CAMK1D: variants seen among roughly 807,000 people sequenced by gnomAD.
CAMK1D encodes the protein calcium/calmodulin dependent protein kinase ID, also known as calcium/calmodulin-dependent protein kinase type 1D.
CAMK1D carries 9 observed loss-of-function variants against 47.7 expected under a neutral mutation model. That is an observed-to-expected ratio of 0.19 (90% CI 0.11 to 0.33). The LOEUF (loss-of-function observed/expected upper bound fraction) is 0.33. CAMK1D is among the 10% of genes least tolerant of loss of function. The pLI is 1.00. For synonymous variants in CAMK1D, 184 were observed against 184.9 expected (o/e 0.99, Z 0.04); for missense variants, 291 against 488.7 (o/e 0.60, Z 3.81).
chr10:12,732,537 G>A (rs10795978), intron 3 of CAMK1D, among the ~76,000 whole-genome samples: 104,294 of 151,866 alleles, frequency 0.69, 36,291 homozygotes, highest in Non-Finnish European at 0.74. Flanking sequence ...CACTTCTTAC[G>A]TGGTGGCCGC....
At chr10:12,768,564 T>G (rs1164207533) in intron 4 of CAMK1D, among the ~76,000 whole-genome samples, 2 of 152,118 alleles carry the variant, frequency 1.3e-5, no homozygotes, top group African/African-American at 4.8e-5. Flanking sequence ...AAACGATTCC[T>G]CATTCACTGG....
Position 12,719,450 on chromosome 10 carries a change from A to G in CAMK1D, c.300-41498A>G, listed in dbSNP as rs116587149. 5.5e-3 allele frequency among the ~76,000 whole-genome samples: 830 copies of G among 152,098 alleles called. 11 individuals are homozygous for G. Among genetic ancestry groups the G allele is most frequent in the African/African-American group, 0.019 (776 of 41,496 alleles). ...AAGAAAAAAGAAAACTGTAAAAAGA[A>G]TTTCCCTCATTTCATGAATGCACCA... On this transcript the variant is annotated intron_variant, in intron 3 of 10. Transcript: ENST00000619168.
intron 5 of CAMK1D, among the ~76,000 whole-genome samples, chr10:12,774,798 A>G (rs1837206902): frequency 6.6e-6 from 1 of 152,200 alleles, no homozygotes; most frequent in Non-Finnish European, 1.5e-5. Context: ...CCCGCAAGAG[A>G]TTTAGGTTGC....
intron 1 of CAMK1D, among the ~76,000 whole-genome samples, chr10:12,545,000 G>A (rs1836316474): frequency 6.6e-6 from 1 of 152,092 alleles, no homozygotes; most frequent in Non-Finnish European, 1.5e-5. Context: ...TCAGAGGAGA[G>A]CCCCCAATAA....
intron 2 of CAMK1D, among the ~76,000 whole-genome samples, chr10:12,633,092 C>T (rs1324201124): frequency 2.0e-5 from 3 of 152,216 alleles, no homozygotes; most frequent in Non-Finnish European, 4.4e-5. Flanking sequence ...TGCAGTGAGT[C>T]AGTCGTTCCT....
intron 2 of CAMK1D, among the ~76,000 whole-genome samples, chr10:12,557,679 T>C (rs952287812): frequency 3.9e-5 from 6 of 152,206 alleles, no homozygotes; most frequent in African/African-American, 1.4e-4. Flanking sequence ...CACACTATTT[T>C]TGCTTATTTC....
chr10:12,478,651 A>G (rs925525511), intron 1 of CAMK1D, among the ~76,000 whole-genome samples: 2 of 152,054 alleles, frequency 1.3e-5, no homozygotes, highest in Admixed American at 1.3e-4. Flanking sequence ...AAGGTACTTG[A>G]GGAGTCAGAG....
At chr10:12,767,652 A>G (rs7910587) in intron 4 of CAMK1D, among the ~76,000 whole-genome samples, 30,217 of 152,156 alleles carry the variant, frequency 0.2, 3,151 homozygotes, top group Middle Eastern at 0.28. Context: ...TTGGCTAGGT[A>G]TGAAAAGGCG....
chr10:12,689,074 C>T (rs776168936), intron 3 of CAMK1D, among the ~76,000 whole-genome samples: 4 of 152,214 alleles, frequency 2.6e-5, no homozygotes, highest in Non-Finnish European at 5.9e-5. Flanking sequence ...TGCTTAGCAG[C>T]GGGAGGATGG....
chr10:12,804,119 C>G (rs561749187), intron 6 of CAMK1D, among the ~76,000 whole-genome samples: 1 of 152,082 alleles, frequency 6.6e-6, no homozygotes, highest in African/African-American at 2.4e-5. Flanking sequence ...ATGCCATTGG[C>G]CATCAGAAGG....
At chr10:12,542,434 A>G (rs2132248056) in intron 1 of CAMK1D, among the ~76,000 whole-genome samples, 1 of 152,336 alleles carries the variant, frequency 6.6e-6, no homozygotes, top group Admixed American at 6.5e-5. Context: ...TAGCTACACT[A>G]AGCTAATAGG....
At chr10:12,707,652 A>T (rs1359936014) in intron 3 of CAMK1D, among the ~76,000 whole-genome samples, 1 of 152,194 alleles carries the variant, frequency 6.6e-6, no homozygotes, top group East Asian at 1.9e-4. Flanking sequence ...CAGAACTTAG[A>T]GGGCAGAGGC....
chr10:12,409,639 T>C (rs1482648000), intron 1 of CAMK1D, among the ~76,000 whole-genome samples: 3 of 152,266 alleles, frequency 2.0e-5, no homozygotes, highest in South Asian at 4.1e-4. Flanking sequence ...ATCATACAGT[T>C]CACTTCTTTA....
chr10:12,671,581 C>G (rs989214366), intron 3 of CAMK1D, among the ~76,000 whole-genome samples: 6 of 151,732 alleles, frequency 4.0e-5, no homozygotes, highest in Admixed American at 1.3e-4. Flanking sequence ...ATGTTAGCCA[C>G]TTACATATCT....
rs150482021 is a variant in CAMK1D at position 12,505,546 on chromosome 10, C to T, written c.93-47679C>T. Among the ~76,000 whole-genome samples, 683 of 152,248 alleles carry T rather than the reference C, an allele frequency of 4.5e-3. 3 individuals carry two copies. The highest frequency in any genetic ancestry group is 1.0e-2 in the South Asian group (48 of 4,816). Reference sequence around the variant, plus strand: ...TTCTTTCCTGGGCTGTTGGTCCATCCGGCTCCTTGCTTGGTCTACACAATG... The same window carrying T: ...TTCTTTCCTGGGCTGTTGGTCCATCTGGCTCCTTGCTTGGTCTACACAATG... On this transcript the variant is annotated intron_variant, in intron 1 of 10. Coordinates refer to ENST00000619168, the MANE Select transcript of CAMK1D (RefSeq NM_153498.4).
rs566418965 is a variant in CAMK1D, at chr10:12,562,554, G to A, written c.224+9198G>A. ...CAAACTCATTTGCAAACGAGCCCCC[G>A]ACTTTGTGATCTACCTCTTTGGTTT... is the stretch of plus-strand genomic sequence containing the variant. On this transcript the variant is annotated intron_variant, in intron 2 of 10. Transcript: ENST00000619168. 2.0e-5 allele frequency among the ~76,000 whole-genome samples: 3 copies of A among 152,160 alleles called. No individual in the cohort carries two copies. In the East Asian group the frequency reaches 5.8e-4, roughly 29 times the overall value.
At chr10:12,451,075 G>A (rs1248960658) in intron 1 of CAMK1D, among the ~76,000 whole-genome samples, 1 of 152,174 alleles carries the variant, frequency 6.6e-6, no homozygotes, top group Non-Finnish European at 1.5e-5. Flanking sequence ...TCCCACATGA[G>A]CTCTGAACCA....
At chr10:12,480,383 C>T (rs774893243) in intron 1 of CAMK1D, among the ~76,000 whole-genome samples, 21 of 151,880 alleles carry the variant, frequency 1.4e-4, no homozygotes, top group South Asian at 2.1e-4. Context: ...TGCAGTGAGC[C>T]GAGATCGCGC....
chr10:12,778,542 A>G (rs1479231319), intron 5 of CAMK1D, among the ~76,000 whole-genome samples: 2 of 152,202 alleles, frequency 1.3e-5, no homozygotes, highest in Non-Finnish European at 2.9e-5. Context: ...TGGGCCACAC[A>G]GATTCATGTG....
Sources: allele counts gnomAD v4.1 joint callset (sites outside exome capture counted in the v4.1 genomes callset), GRCh38; gene constraint gnomAD v4.1.1; transcripts MANE v1.5; gene names NCBI Gene and HGNC (gene_info 2026-07-23, HGNC 2026-07-21).